The following COLEC12 variants were observed in gnomAD, a reference collection of about 807,000 sequenced individuals.
COLEC12 encodes the protein collectin subfamily member 12, also known as collectin-12.
COLEC12 carries 33 observed loss-of-function variants against 71.1 expected under a neutral mutation model. The observed-to-expected ratio is 0.46, with a 90% CI of 0.35 to 0.62. The LOEUF is 0.62. Among genes scored for constraint, COLEC12 ranks in the 20% least tolerant of loss-of-function variants. COLEC12 has a pLI of 0.00. For synonymous variants in COLEC12, 350 were observed against 353.0 expected, an observed-to-expected ratio of 0.99 and a Z score of 0.10; for missense variants, 765 against 916.1, an observed-to-expected ratio of 0.84 and a Z score of 2.13.
chr18:432,597 GA>G (rs1015850613), intron 2 of COLEC12, among the ~76,000 whole-genome samples: 33 of 152,110 alleles, frequency 2.2e-4, no homozygotes, highest in African/African-American at 7.5e-4. Flanking sequence ...TTTCTTTTGT[GA>G]AAAACACTAA....
At chr18:347,547 T>C (rs1056912457) in intron 4 of COLEC12, among the ~76,000 whole-genome samples, 3 of 152,158 alleles carry the variant, frequency 2.0e-5, no homozygotes, top group African/African-American at 7.2e-5. Flanking sequence ...GAACTAGGAA[T>C]GACAAACTTG....
At chr18:338,647 G>C (rs899718593) in intron 5 of COLEC12, among the ~76,000 whole-genome samples, 2 of 152,158 alleles carry the variant, frequency 1.3e-5, no homozygotes, top group African/African-American at 4.8e-5. Flanking sequence ...ACTTTTTGCT[G>C]CCAGATCTAT....
In COLEC12 at chr18:360,520, GTGATGCTGATGC is replaced by G. The variant is rs59329972; in HGVS notation, c.59-3010_59-2999del. Among the ~76,000 whole-genome samples, 53 of 152,040 alleles carry G rather than the reference GTGATGCTGATGC, an allele frequency of 3.5e-4. 1 individual carries two copies. In the South Asian group the frequency reaches 7.3e-3, roughly 21 times the overall value. Reference sequence around the variant, plus strand: ...ATTTGGATTTCTAAGAAGTTCCCAGGTGATGCTGATGCTGATGCTGATGCTGATGCTGCGGTC... The same window carrying G: ...ATTTGGATTTCTAAGAAGTTCCCAGGTGATGCTGATGCTGATGCTGCGGTC... On this transcript the variant is annotated intron_variant, in intron 2 of 9. Transcript: ENST00000400256.
In COLEC12 at chr18:500,453, CG is replaced by C; in HGVS notation, c.7+54del. 8.3e-7 allele frequency: 1 copy of C among 1,200,038 alleles called. No homozygotes were observed. The highest frequency in any genetic ancestry group is 3.3e-5 in the East Asian group (1 of 30,242). The allele number at this position is 1,200,038 out of a possible 1,614,324, so 74.3% of individuals were successfully genotyped here. ...GGAGGCACCTCCGTGGCCTCCCGCG[CG>C]CCCCGAAGCCCGTTCCCCCCGCCCA... On this transcript the variant is annotated intron_variant, in intron 1 of 9. Coordinates refer to ENST00000400256, the MANE Select transcript of COLEC12 (RefSeq NM_130386.3). This position sits in a 1 kb window ranked among gnomAD's most constrained non-coding sequence, Gnocchi z 5.3.
intron 2 of COLEC12, among the ~76,000 whole-genome samples, chr18:448,872 A>C (rs536505187): frequency 6.6e-6 from 1 of 152,316 alleles, no homozygotes; most frequent in Admixed American, 6.5e-5. Context: ...ACGGAGGAAT[A>C]AATTCTAGTT....
intron 2 of COLEC12, among the ~76,000 whole-genome samples, chr18:446,559 T>TAAAA (rs1916657334): frequency 6.7e-6 from 1 of 150,110 alleles, no homozygotes; most frequent in Non-Finnish European, 1.5e-5. Context: ...AAAAAATTTT[T>TAAAA]TTTTTTTTTT....
chr18:354,302 G>A (rs541483190), intron 3 of COLEC12, among the ~76,000 whole-genome samples: 1 of 152,336 alleles, frequency 6.6e-6, no homozygotes, highest in African/African-American at 2.4e-5. Flanking sequence ...CCCTGTCTGG[G>A]TGACTGAGCG....
At chr18:469,524 C>T (rs1173649664) in intron 2 of COLEC12, among the ~76,000 whole-genome samples, 3 of 152,164 alleles carry the variant, frequency 2.0e-5, no homozygotes, top group Admixed American at 1.3e-4. Flanking sequence ...ATGACCCTTT[C>T]CCAAGAGTCC....
chr18:342,897 A>G (rs1914287809), intron 5 of COLEC12, among the ~76,000 whole-genome samples: 1 of 152,166 alleles, frequency 6.6e-6, no homozygotes, highest in Non-Finnish European at 1.5e-5. Context: ...ATGCTTTTCC[A>G]TGAGTCGGAA....
At chr18:384,114 C>T (rs1040805917) in intron 2 of COLEC12, among the ~76,000 whole-genome samples, 15 of 152,148 alleles carry the variant, frequency 9.9e-5, no homozygotes, top group Non-Finnish European at 1.5e-5. Flanking sequence ...CACAGACAAA[C>T]CACATCAGTG....
At chr18:372,975 A>G (rs1407433400) in intron 2 of COLEC12, among the ~76,000 whole-genome samples, 1 of 152,146 alleles carries the variant, frequency 6.6e-6, no homozygotes, top group African/African-American at 2.4e-5. Context: ...AAAGGCAATG[A>G]ATCCCTCTGA....
At chr18:441,908 G>A (rs923114743) in intron 2 of COLEC12, among the ~76,000 whole-genome samples, 2 of 149,282 alleles carry the variant, frequency 1.3e-5, no homozygotes, top group African/African-American at 5.1e-5. Context: ...GCTGAGGTGG[G>A]AGAATCACCT....
intron 2 of COLEC12, among the ~76,000 whole-genome samples, chr18:444,889 G>A (rs1056460445): frequency 6.6e-6 from 1 of 152,166 alleles, no homozygotes; most frequent in Non-Finnish European, 1.5e-5. Context: ...CATGACTGAC[G>A]TGTGCAGTGC....
chr18:328,104 A>G (rs1480771053), intron 8 of COLEC12, among the ~76,000 whole-genome samples: 1 of 151,440 alleles, frequency 6.6e-6, no homozygotes, highest in Non-Finnish European at 1.5e-5. Flanking sequence ...TACGCTTTCT[A>G]TTTCTTCTGG....
chr18:318,164 T>C lies in COLEC12; in HGVS notation c.*1881A>G, dbSNP rs926362365. 6.6e-6 allele frequency: 1 copy of C among 151,592 alleles called. No individual in the cohort carries two copies. The highest frequency in any genetic ancestry group is 2.4e-5 in the African/African-American group (1 of 41,240). The allele number at this position is 151,592 out of a possible 1,614,324, so 9.4% of individuals were successfully genotyped here. ...GCTAATTTTTTTTTTGTATTTTTAG[T>C]AGAGACGGGGTTTCACCGTGTTAGC... On this transcript the variant is annotated 3_prime_UTR_variant, in exon 10 of 10. Coordinates refer to ENST00000400256, the MANE Select transcript of COLEC12 (RefSeq NM_130386.3).
intron 5 of COLEC12, among the ~76,000 whole-genome samples, chr18:342,229 ATATTTTT>A (rs1484357079): frequency 6.7e-6 from 1 of 149,322 alleles, no homozygotes. Context: ...GGTTAATTTT[ATATTTTT>A]AAGTAGAGAT....
intron 3 of COLEC12, among the ~76,000 whole-genome samples, chr18:355,475 T>C (rs568289176): frequency 5.9e-5 from 9 of 152,182 alleles, no homozygotes; most frequent in Non-Finnish European, 1.2e-4. Flanking sequence ...GGAGGAAATA[T>C]CTGTACCTTA....
chr18:424,942 G>C (rs1250806359), intron 2 of COLEC12, among the ~76,000 whole-genome samples: 1 of 152,128 alleles, frequency 6.6e-6, no homozygotes, highest in Non-Finnish European at 1.5e-5. Flanking sequence ...TCATGGGTGT[G>C]GGGGAGAGGA....
At chr18:476,956 T>C (rs1917317787) in intron 2 of COLEC12, among the ~76,000 whole-genome samples, 1 of 152,184 alleles carries the variant, frequency 6.6e-6, no homozygotes, top group Non-Finnish European at 1.5e-5. Flanking sequence ...TCTCCCCTCA[T>C]TGACGCTTTT....
Sources: gnomAD v4.1 joint callset for allele counts (sites outside exome capture counted in the v4.1 genomes callset) on GRCh38, gnomAD v4.1.1 for gene constraint, Gnocchi (gnomAD v3.1) non-coding constraint, MANE v1.5 for transcripts, NCBI Gene and HGNC (gene_info 2026-07-23, HGNC 2026-07-21) for gene names.